EXOSC10: variants seen among roughly 807,000 people sequenced by gnomAD.
The protein encoded by EXOSC10 is exosome complex component 10.
Under a neutral mutation model 126.6 loss-of-function variants are expected in EXOSC10, and 94 were observed. That is an observed-to-expected ratio of 0.74 (90% CI 0.63 to 0.88). The LOEUF is 0.88. Among genes scored for constraint, EXOSC10 ranks in the 40% least tolerant of loss-of-function variants. The pLI is 0.00. For synonymous variants in EXOSC10, 395 were observed against 400.8 expected, an observed-to-expected ratio of 0.99 and a Z score of 0.17; for missense variants, 1,041 against 1,100.5, an observed-to-expected ratio of 0.95 and a Z score of 0.77.
chr1:11,070,802 A>AT, intron 21 of EXOSC10, 98 bp downstream of exon 21: 1 of 1,094,778 alleles, frequency 9.1e-7, no homozygotes. Flanking sequence ...GACTTAATAT[A>AT]AAGCACAGGG....
chr1:11,096,648 T>A (rs1570866252), intron 2 of EXOSC10, among the ~76,000 whole-genome samples: 4 of 151,232 alleles, frequency 2.6e-5, no homozygotes, highest in African/African-American at 9.7e-5. Context: ...CCAGCTACTT[T>A]AAAAATTTTT....
intron 17 of EXOSC10, 76 bp downstream of exon 17, chr1:11,076,766 G>A: frequency 8.8e-7 from 1 of 1,139,888 alleles, no homozygotes; most frequent in Non-Finnish European, 1.3e-6. Flanking sequence ...AATGCTCCAG[G>A]CAGACAGCCT....
chr1:11,090,872 C>T (rs1292757895), intron 5 of EXOSC10, 142 bp downstream of exon 5: 1 of 1,008,686 alleles, frequency 9.9e-7, no homozygotes. Context: ...CCACTTCAGC[C>T]TCTGGAATAG....
rs143793270 is a variant in EXOSC10, at chr1:11,091,168, A to G, written c.489T>C (p.Tyr163=). The G allele has an allele frequency of 1.9e-6, 3 of 1,613,892 alleles. No individual in the cohort carries two copies. Among genetic ancestry groups the G allele is most frequent in the African/African-American group, 1.3e-5 (1 of 74,918 alleles). Residue 163 remains tyrosine (Y), a synonymous_variant, in exon 5 of 25, where the codon TAT becomes TAC. Transcript: ENST00000376936. ...VSSWNRKAAE[Y]GKKAKSETFR... is the part of the protein sequence containing the mutation. ...AAGTTTCAGATTTTGCTTTTTTGCCATATTCTGCTGCCTATGATCAATGAA... is the reference window on the plus strand; with the variant it reads ...AAGTTTCAGATTTTGCTTTTTTGCCGTATTCTGCTGCCTATGATCAATGAA...
intron 4 of EXOSC10, 144 bp from the exon 5 acceptor site, chr1:11,091,323 C>T (rs757408346): frequency 1.2e-5 from 12 of 983,900 alleles, no homozygotes; most frequent in Non-Finnish European, 1.8e-5. Flanking sequence ...TAGAGGTCTC[C>T]AGAAAGAGAA....
chr1:11,099,440 G>A (rs1641302910), intron 1 of EXOSC10, among the ~76,000 whole-genome samples: 1 of 152,250 alleles, frequency 6.6e-6, no homozygotes, highest in African/African-American at 2.4e-5. Flanking sequence ...GCAAGGGCTA[G>A]GGACGTCTGG....
chr1:11,094,525 A>G (rs1013207299), intron 3 of EXOSC10, among the ~76,000 whole-genome samples: 16 of 149,508 alleles, frequency 1.1e-4, no homozygotes, highest in Non-Finnish European at 1.9e-4. Context: ...TGAACCCCTG[A>G]CCTCAGGTAG....
rs957249275 is a variant in EXOSC10 at position 11,091,017 on chromosome 1, G to T, written c.640C>A (p.Gln214Lys). 1.2e-6 allele frequency: 2 copies of T among 1,613,648 alleles called. No individual in the cohort carries two copies. Among genetic ancestry groups the T allele is most frequent in the Non-Finnish European group, 1.7e-6 (2 of 1,179,904 alleles). The change falls in exon 5 of 25, where the codon CAA becomes AAA. Residue 214 changes from glutamine (Q) to lysine (K), a missense_variant. By Grantham distance (53) the Gln-to-Lys change is moderately conservative. Coordinates refer to ENST00000376936, the MANE Select transcript of EXOSC10 (RefSeq NM_001001998.3). ...AGGCAAAGTATGCACTATTTACCTTGAGGGAGAGGTTTCTGAGCATTGGGT... is the reference window on the plus strand; with the variant it reads ...AGGCAAAGTATGCACTATTTACCTTTAGGGAGAGGTTTCTGAGCATTGGGT... Reference protein sequence around the residue: ...IKPNAQKPLPQALSKERRERP... With the variant: ...IKPNAQKPLPKALSKERRERP...
intron 24 of EXOSC10, 128 bp downstream of exon 24, chr1:11,067,880 G>A: frequency 1.4e-6 from 1 of 737,076 alleles, no homozygotes; most frequent in Non-Finnish European, 2.3e-6. Context: ...GCTGTGGGAG[G>A]TTCTCTGAGT....
At chr1:11,067,513 A>G (rs1216545495) in intron 24 of EXOSC10, among the ~76,000 whole-genome samples, 1 of 151,190 alleles carries the variant, frequency 6.6e-6, no homozygotes, top group Non-Finnish European at 1.5e-5. Context: ...CTGAGGTGAG[A>G]GACTTGCTTG....
intron 3 of EXOSC10, among the ~76,000 whole-genome samples, chr1:11,092,046 T>A (rs765654521): frequency 2.0e-5 from 3 of 152,198 alleles, no homozygotes; most frequent in African/African-American, 7.2e-5. Context: ...TAAGAAAATA[T>A]ACATATATAA....
intron 24 of EXOSC10, among the ~76,000 whole-genome samples, chr1:11,067,276 C>G (rs1297086056): frequency 6.6e-6 from 1 of 152,064 alleles, no homozygotes; most frequent in Non-Finnish European, 1.5e-5. Context: ...CTAAAAAATA[C>G]AAAAAATTAG....
Position 11,073,922 on chromosome 1 carries a change from A to G in EXOSC10, c.2157+12T>C, listed in dbSNP as rs770907306. On this transcript the variant is annotated intron_variant, in intron 19 of 24. Transcript: ENST00000376936. ...AAAAGTCTCTTTTAGAACAGGTGAC[A>G]AGTCCACTTACTTCATAGATTTTGG... 2.9e-6 allele frequency: 4 copies of G among 1,399,692 alleles called. No homozygotes were observed. In the South Asian group the frequency reaches 4.6e-5, roughly 16 times the overall value. 86.7% of individuals were successfully genotyped at this position (1,399,692 alleles called of 1,614,324 possible). A position where few individuals can be genotyped will look rare whatever the true frequency, so the allele number is the denominator to read the frequency against.
chr1:11,098,801 TAACGAAAAAA>T (rs1641258771), intron 1 of EXOSC10, among the ~76,000 whole-genome samples: 1 of 152,072 alleles, frequency 6.6e-6, no homozygotes, highest in African/African-American at 2.4e-5. Context: ...TGTTGTGAGG[TAACGAAAAAA>T]AGCCGTGAAG....
chr1:11,094,824 C>T (rs1330958199), intron 3 of EXOSC10, among the ~76,000 whole-genome samples: 1 of 152,026 alleles, frequency 6.6e-6, no homozygotes, highest in Non-Finnish European at 1.5e-5. Flanking sequence ...TGGTCTTGAA[C>T]TCCTGACCTC....
chr1:11,084,188 C>G (rs1640357553), intron 9 of EXOSC10, among the ~76,000 whole-genome samples: 1 of 152,168 alleles, frequency 6.6e-6, no homozygotes, highest in Non-Finnish European at 1.5e-5. Context: ...TTCTAGATCC[C>G]TGAGGAATTG....
Position 11,076,940 on chromosome 1 carries a change from G to C in EXOSC10, c.1888C>G (p.Pro630Ala), listed in dbSNP as rs372778448. 1.9e-6 allele frequency: 3 copies of C among 1,612,740 alleles called. No individual in the cohort carries two copies. In the African/African-American group the frequency reaches 4.0e-5, roughly 22 times the overall value. Residue 630 changes from proline (P) to alanine (A), a missense_variant, in exon 17 of 25, where the codon CCA becomes GCA. Pro to Ala is a conservative substitution (Grantham distance 27, BLOSUM62 -1). Transcript: ENST00000376936. ...YPIIPTSGSV[P>A]VQKQASLFPD... Reference sequence around the variant, plus strand: ...AAGAGGCTCGCCTGCTTCTGAACTGGCACAGATCCTAGAGGAGCAGAAGAT... The same window carrying C: ...AAGAGGCTCGCCTGCTTCTGAACTGCCACAGATCCTAGAGGAGCAGAAGAT...
chr1:11,070,860 A>G, intron 21 of EXOSC10, 40 bp downstream of exon 21: 1 of 1,564,806 alleles, frequency 6.4e-7, no homozygotes, highest in Non-Finnish European at 8.8e-7. Flanking sequence ...AAGCAGGGGC[A>G]TCGTTTTTCA....
rs1209020773 is a variant in EXOSC10, at chr1:11,095,896, A to C, written c.249-15T>G. 31 of 1,606,968 alleles carry C rather than the reference A, an allele frequency of 1.9e-5. No individual in the cohort carries two copies. Among genetic ancestry groups the C allele is most frequent in the Non-Finnish European group, 2.5e-5 (29 of 1,175,462 alleles). ...CTCTGCTCATGCTAAGGAAAGGAAA[A>C]CCAAGGTTAGCTTGTAGATTTTTAT... On this transcript the variant is annotated splice_polypyrimidine_tract_variant and intron_variant, in intron 2 of 24. Transcript: ENST00000376936.
Sources: gnomAD v4.1 joint callset for allele counts (sites outside exome capture counted in the v4.1 genomes callset) on GRCh38, gnomAD v4.1.1 for gene constraint, MANE v1.5 for transcripts, NCBI Gene and HGNC (gene_info 2026-07-23, HGNC 2026-07-21) for gene names.